OTUD7B: variants seen among roughly 807,000 people sequenced by gnomAD.
OTUD7B encodes OTU domain-containing protein 7B.
Under a neutral mutation model 82.2 loss-of-function variants are expected in OTUD7B, and 34 were observed. The observed-to-expected ratio is 0.41, with a 90% CI of 0.31 to 0.55. The LOEUF (loss-of-function observed/expected upper bound fraction) is 0.55. Among genes scored for constraint, OTUD7B ranks in the 20% least tolerant of loss-of-function variants. The pLI is 0.20. For synonymous variants in OTUD7B, 398 were observed against 402.7 expected (o/e 0.99, Z 0.14); for missense variants, 944 against 1,062.1 (o/e 0.89, Z 1.55).
chr1:150,025,329 C>T, the OTUD7B span, among the ~76,000 whole-genome samples: 1 of 151,898 alleles, frequency 6.6e-6, no homozygotes, highest in Non-Finnish European at 1.5e-5. Context: ...GCAGGAGAAT[C>T]GCTTGAACCC....
At chr1:150,050,569 T>A in the OTUD7B span, 1 of 152,214 alleles carries the variant, frequency 6.6e-6, no homozygotes, top group Non-Finnish European at 1.5e-5. Flanking sequence ...CAGCAATTAC[T>A]TTTATCTAGT....
the OTUD7B span, among the ~76,000 whole-genome samples, chr1:150,044,222 T>C: frequency 6.6e-6 from 1 of 152,022 alleles, no homozygotes; most frequent in Non-Finnish European, 1.5e-5. Flanking sequence ...ATTTTTTATT[T>C]TTTGAGATGG....
At position 149,944,778 on chromosome 1, in the gene OTUD7B, T is replaced by G; in HGVS notation, c.1611A>C (p.Thr537=). Residue 537 remains threonine (T), a synonymous_variant, in exon 12 of 12, where the codon ACA becomes ACC. Coordinates refer to ENST00000581312, the MANE Select transcript of OTUD7B (RefSeq NM_020205.4). The part of the protein sequence containing the change: ...SKGSKPGGVG[T]GLGGSSGTET... ...CAGTGCCGCTGCTTCCTCCCAACCC[T>G]GTCCCCACCCCTCCAGGCTTTGAAC... 1.2e-6 allele frequency: 2 copies of G among 1,614,018 alleles called. No individual in the cohort carries two copies. Among genetic ancestry groups the G allele is most frequent in the Non-Finnish European group, 1.7e-6 (2 of 1,179,962 alleles).
chr1:149,965,939 T>A, intron 4 of OTUD7B, 61 bp from the exon 5 acceptor site: 1 of 1,404,966 alleles, frequency 7.1e-7, no homozygotes. Flanking sequence ...CACCTTCCTA[T>A]TTCTGAAACA....
At chr1:150,001,160 G>A (rs925608458) in intron 1 of OTUD7B, among the ~76,000 whole-genome samples, 3 of 152,166 alleles carry the variant, frequency 2.0e-5, no homozygotes, top group African/African-American at 7.2e-5. Context: ...TTTAAAGGGA[G>A]TAAGACATCT....
At chr1:149,978,244 C>T (rs1366464967) in intron 1 of OTUD7B, among the ~76,000 whole-genome samples, 1 of 152,170 alleles carries the variant, frequency 6.6e-6, no homozygotes, top group Non-Finnish European at 1.5e-5. Context: ...CGGTGGCTCA[C>T]GCCTTTAATC....
At chr1:149,993,314 A>T (rs1553782637) in intron 1 of OTUD7B, among the ~76,000 whole-genome samples, 1 of 152,202 alleles carries the variant, frequency 6.6e-6, no homozygotes, top group African/African-American at 2.4e-5. Context: ...TGAAAACCTT[A>T]ACATCCTGAC....
the OTUD7B span, among the ~76,000 whole-genome samples, chr1:150,039,456 C>T: frequency 5.9e-5 from 9 of 152,028 alleles, no homozygotes; most frequent in Admixed American, 5.9e-4. Flanking sequence ...AGGCTCACTG[C>T]AAGCTCCGTC....
chr1:149,949,168 T>G, intron 9 of OTUD7B, 85 bp from the exon 10 acceptor site: 1 of 792,770 alleles, frequency 1.3e-6, no homozygotes, highest in East Asian at 2.7e-5. Context: ...AAAATCATAC[T>G]AAGGTCTTTA....
chr1:150,055,921 G>A, the OTUD7B span, among the ~76,000 whole-genome samples: 5,183 of 152,176 alleles, frequency 0.034, 246 homozygotes, highest in African/African-American at 0.11. Context: ...AGCAGGAAAA[G>A]TAACTATTGG....
the OTUD7B span, among the ~76,000 whole-genome samples, chr1:150,051,229 C>CAG: frequency 1.0e-5 from 1 of 96,978 alleles, no homozygotes; most frequent in East Asian, 2.9e-4. Flanking sequence ...GACTTCGCCT[C>CAG]AAAAAAAAAA....
intron 1 of OTUD7B, among the ~76,000 whole-genome samples, chr1:150,001,079 C>T (rs1652252015): frequency 6.6e-6 from 1 of 152,116 alleles, no homozygotes; most frequent in Non-Finnish European, 1.5e-5. Context: ...GGCCAGTAGT[C>T]ATTTCTTGAG....
the OTUD7B span, among the ~76,000 whole-genome samples, chr1:150,033,003 T>C: frequency 1.5e-4 from 23 of 152,356 alleles, no homozygotes; most frequent in South Asian, 2.1e-3. Context: ...GCATATTATC[T>C]TATTACATGA....
the OTUD7B span, among the ~76,000 whole-genome samples, chr1:150,051,229 C>CAAAAA: frequency 1.9e-4 from 18 of 96,848 alleles, no homozygotes; most frequent in East Asian, 2.9e-4. Context: ...GACTTCGCCT[C>CAAAAA]AAAAAAAAAA....
At chr1:150,048,621 G>A in the OTUD7B span, 2 of 152,090 alleles carry the variant, frequency 1.3e-5, no homozygotes, top group African/African-American at 4.8e-5. Context: ...CAAGGCTGCA[G>A]TGAACTATGA....
At chr1:150,035,104 A>G in the OTUD7B span, among the ~76,000 whole-genome samples, 1 of 149,886 alleles carries the variant, frequency 6.7e-6, no homozygotes, top group African/African-American at 2.5e-5. Context: ...AGATCGCGCC[A>G]TTGCACTACA....
At chr1:149,949,916 A>C (rs1648056560) in intron 8 of OTUD7B, 138 bp from the exon 9 acceptor site, 1 of 1,238,424 alleles carries the variant, frequency 8.1e-7, no homozygotes, top group African/African-American at 1.5e-5. Context: ...AAGCCCTGTC[A>C]ACTAATCCCA....
chr1:150,020,319 T>C, the OTUD7B span, among the ~76,000 whole-genome samples: 3 of 152,142 alleles, frequency 2.0e-5, no homozygotes, highest in Non-Finnish European at 4.4e-5. Context: ...GTGGATCATT[T>C]GAGGTCAGGA....
chr1:149,990,253 A>T (rs1651468826), intron 1 of OTUD7B, among the ~76,000 whole-genome samples: 1 of 152,256 alleles, frequency 6.6e-6, no homozygotes, highest in African/African-American at 2.4e-5. Flanking sequence ...AAGGACGTGT[A>T]AAAGCTCACC....
Sources: allele counts gnomAD v4.1 joint callset (sites outside exome capture counted in the v4.1 genomes callset), GRCh38; gene constraint gnomAD v4.1.1; transcripts MANE v1.5; gene names NCBI Gene and HGNC (gene_info 2026-07-23, HGNC 2026-07-21).